Variants in AKAP6 observed in about 807,000 individuals in gnomAD.
AKAP6 encodes A-kinase anchor protein 6.
In AKAP6, 58 loss-of-function variants were observed where a neutral mutation model predicts 188.5. The observed-to-expected ratio is 0.31, with a 90% confidence interval of 0.25 to 0.38. AKAP6 has a LOEUF of 0.38. Among genes scored for constraint, AKAP6 ranks in the 10% least tolerant of loss-of-function variants. AKAP6 has a pLI of 1.00. For missense variants in AKAP6, 2,710 were observed against 2,740.0 expected (o/e 0.99, Z 0.24); for synonymous variants, 989 against 998.6 (o/e 0.99, Z 0.18).
At chr14:32,439,591 G>A (rs1052853041) in intron 2 of AKAP6, among the ~76,000 whole-genome samples, 9 of 98,588 alleles carry the variant, frequency 9.1e-5, no homozygotes, top group African/African-American at 6.1e-4. Context: ...CACTACTGGA[G>A]CATAACTAGT....
chr14:32,329,416 T>C lies in AKAP6; in HGVS notation c.-35+8T>C, dbSNP rs1886459500. On this transcript the variant is annotated splice_region_variant and intron_variant, in intron 1 of 13. Coordinates refer to ENST00000280979, the MANE Select transcript of AKAP6 (RefSeq NM_004274.5). ...CGGTGGGATCAGGAGATGGTGAGTG[T>C]TAAATGTCTGGGCCTTAATTGCACG... 6.6e-6 allele frequency: 1 copy of C among 152,100 alleles called. No homozygotes were observed. The allele number at this position is 152,100 out of a possible 1,614,324, so 9.4% of individuals were successfully genotyped here.
intron 1 of AKAP6, among the ~76,000 whole-genome samples, chr14:32,404,213 A>T (rs1019389979): frequency 6.6e-6 from 1 of 152,182 alleles, no homozygotes; most frequent in Admixed American, 6.6e-5. Flanking sequence ...TGAAATGCAA[A>T]GGATTCTGAC....
intron 9 of AKAP6, among the ~76,000 whole-genome samples, chr14:32,725,126 G>GT (rs1421900463): frequency 6.7e-6 from 1 of 150,226 alleles, no homozygotes; most frequent in African/African-American, 2.5e-5. Context: ...GCCTGCTTAC[G>GT]TTTTTTGCCT....
chr14:32,625,877 G>T (rs186630266), intron 7 of AKAP6, among the ~76,000 whole-genome samples: 24 of 152,156 alleles, frequency 1.6e-4, no homozygotes, highest in African/African-American at 5.5e-4. Context: ...GGTCATTCCA[G>T]GTGCTATTTA....
rs1227850188 is a variant in AKAP6 at position 32,397,280 on chromosome 14, C to G, written c.-34-36180C>G. On this transcript the variant is annotated intron_variant, in intron 1 of 13. Transcript: ENST00000280979. ...AGGCCATGGTGCCAAGAAGTGAGCTCTAGCTATTCATTGGAACAGCCATTG... is the reference window on the plus strand; with the variant it reads ...AGGCCATGGTGCCAAGAAGTGAGCTGTAGCTATTCATTGGAACAGCCATTG... 2.0e-5 allele frequency among the ~76,000 whole-genome samples: 3 copies of G among 151,960 alleles called. No homozygotes were observed. In the East Asian group the frequency reaches 5.8e-4, roughly 29 times the overall value.
Position 32,448,780 on chromosome 14 carries a change from C to G in AKAP6, c.324+14963C>G, listed in dbSNP as rs542742266. 2.6e-5 allele frequency among the ~76,000 whole-genome samples: 4 copies of G among 152,248 alleles called. No homozygotes were observed. The East Asian group carries it at 7.7e-4, about 29-fold the overall frequency. Reference sequence around the variant, plus strand: ...ACCTGTAGTATACTATATCATATTGCTTTTTCAGTTTACTTTTTTCCTGAT... The same window carrying G: ...ACCTGTAGTATACTATATCATATTGGTTTTTCAGTTTACTTTTTTCCTGAT... On this transcript the variant is annotated intron_variant, in intron 2 of 13. Coordinates refer to ENST00000280979, the MANE Select transcript of AKAP6 (RefSeq NM_004274.5).
intron 11 of AKAP6, among the ~76,000 whole-genome samples, chr14:32,762,554 A>G (rs1440254364): frequency 6.6e-6 from 1 of 152,136 alleles, no homozygotes; most frequent in Non-Finnish European, 1.5e-5. Flanking sequence ...TTCGTGGGAT[A>G]ACTCACTGAG....
At chr14:32,816,323 G>T (rs2034376585) in intron 12 of AKAP6, among the ~76,000 whole-genome samples, 1 of 152,062 alleles carries the variant, frequency 6.6e-6, no homozygotes, top group Admixed American at 6.6e-5. Flanking sequence ...CTCCAGAGTA[G>T]CTAGGACAAC....
chr14:32,530,836 C>A (rs1313149066), intron 2 of AKAP6, among the ~76,000 whole-genome samples: 2 of 152,020 alleles, frequency 1.3e-5, no homozygotes, highest in African/African-American at 2.4e-5. Flanking sequence ...ATATGTTTTA[C>A]AAAAGGAAAA....
chr14:32,726,144 C>T, intron 9 of AKAP6: 4 of 975,754 alleles, frequency 4.1e-6, no homozygotes, highest in Non-Finnish European at 4.9e-6. Context: ...TTTTCTTTTA[C>T]ACACCATAGA....
At chr14:32,633,745 C>T (rs1159869963) in intron 7 of AKAP6, among the ~76,000 whole-genome samples, 1 of 152,074 alleles carries the variant, frequency 6.6e-6, no homozygotes, top group Non-Finnish European at 1.5e-5. Flanking sequence ...TAAACATTTG[C>T]TTTCCTATGC....
intron 2 of AKAP6, among the ~76,000 whole-genome samples, chr14:32,528,666 C>T (rs1289107207): frequency 6.6e-6 from 1 of 152,048 alleles, no homozygotes; most frequent in African/African-American, 2.4e-5. Flanking sequence ...TCTTTTGCCT[C>T]ACATAAACTT....
At chr14:32,817,104 C>A (rs542149100) in intron 12 of AKAP6, among the ~76,000 whole-genome samples, 4 of 152,136 alleles carry the variant, frequency 2.6e-5, no homozygotes, top group African/African-American at 9.6e-5. Context: ...TGTAGACTGT[C>A]GAGTTCCTTT....
intron 1 of AKAP6, among the ~76,000 whole-genome samples, chr14:32,392,985 C>T (rs955643301): frequency 2.6e-5 from 4 of 151,666 alleles, no homozygotes; most frequent in African/African-American, 9.7e-5. Flanking sequence ...CTGTATATTA[C>T]CCTCAAAACT....
intron 7 of AKAP6, among the ~76,000 whole-genome samples, chr14:32,657,375 T>C (rs1239810308): frequency 6.6e-6 from 1 of 152,146 alleles, no homozygotes; most frequent in East Asian, 1.9e-4. Flanking sequence ...ATTCCAATGT[T>C]AGTAACAGCT....
At chr14:32,490,967 T>C (rs1003778307) in intron 2 of AKAP6, among the ~76,000 whole-genome samples, 6 of 152,232 alleles carry the variant, frequency 3.9e-5, no homozygotes, top group African/African-American at 7.2e-5. Flanking sequence ...GATAATTTTA[T>C]GTCGATGCCT....
intron 2 of AKAP6, among the ~76,000 whole-genome samples, chr14:32,528,090 C>T (rs955538765): frequency 7.9e-5 from 12 of 152,128 alleles, no homozygotes; most frequent in Non-Finnish European, 1.5e-5. Flanking sequence ...GCATTTTACC[C>T]TTAGGTCTGT....
At chr14:32,419,571 A>G (rs561656634) in intron 1 of AKAP6, among the ~76,000 whole-genome samples, 1 of 152,316 alleles carries the variant, frequency 6.6e-6, no homozygotes, top group East Asian at 1.9e-4. Context: ...GTCTTAAAAA[A>G]TAAAAGTTAT....
intron 8 of AKAP6, among the ~76,000 whole-genome samples, chr14:32,681,402 C>G (rs1263701479): frequency 6.6e-6 from 1 of 152,116 alleles, no homozygotes; most frequent in Non-Finnish European, 1.5e-5. Flanking sequence ...GCTAAGACCT[C>G]GACTCAGCAC....
Sources: allele counts gnomAD v4.1 joint callset (sites outside exome capture counted in the v4.1 genomes callset), GRCh38; gene constraint gnomAD v4.1.1; transcripts MANE v1.5; gene names NCBI Gene and HGNC (gene_info 2026-07-23, HGNC 2026-07-21).